Variants in ARRB1 observed in about 807,000 individuals in gnomAD.
ARRB1 encodes the protein beta-arrestin-1.
A neutral mutation model predicts 56.8 loss-of-function variants in ARRB1; 21 were observed. The ratio of observed to expected loss-of-function variants is 0.37; its 90% CI spans 0.26 to 0.53. The LOEUF (loss-of-function observed/expected upper bound fraction) is 0.53. Among genes scored for constraint, ARRB1 ranks in the 20% least tolerant of loss-of-function variants. The pLI is 0.88. For missense variants in ARRB1, 424 were observed against 553.7 expected (o/e 0.77, Z 2.35); for synonymous variants, 210 against 218.6 (o/e 0.96, Z 0.35).
intron 2 of ARRB1, among the ~76,000 whole-genome samples, chr11:75,289,446 C>A (rs1946554573): frequency 6.6e-6 from 1 of 152,206 alleles, no homozygotes; most frequent in Non-Finnish European, 1.5e-5. Context: ...CTGCCTCTGC[C>A]ATCTGGCTGT....
intron 1 of ARRB1, among the ~76,000 whole-genome samples, chr11:75,291,669 G>C (rs1420859997): frequency 6.6e-6 from 1 of 152,188 alleles, no homozygotes; most frequent in Non-Finnish European, 1.5e-5. Flanking sequence ...GGGAGGGAGA[G>C]AAGAAAATTG....
intron 6 of ARRB1, chr11:75,281,688 A>G (rs1946345666): frequency 4.2e-6 from 2 of 471,972 alleles, no homozygotes; most frequent in East Asian, 7.1e-5. Flanking sequence ...GGCCAGGTGT[A>G]GGTCCTCAGA....
intron 13 of ARRB1, chr11:75,269,247 C>T: frequency 1.6e-6 from 1 of 644,134 alleles, no homozygotes; most frequent in Middle Eastern, 3.3e-4. Flanking sequence ...GAAAGGATTG[C>T]CCGGGGCAGC....
rs946350306 is a variant in ARRB1, at chr11:75,269,317, C to A, written c.1023-358G>T. On this transcript the variant is annotated intron_variant, in intron 13 of 15. Transcript: ENST00000420843. ...CCTGGGACCCCCCCCCACCTCAAAT[C>A]GCCACAGCCACCCTCGCCTCCCCTG... The A allele has an allele frequency of 2.8e-5, 12 of 426,696 alleles. No homozygotes were observed. In the Admixed American group the frequency reaches 2.9e-4, roughly 10 times the overall value. 26.4% of individuals were successfully genotyped at this position (426,696 alleles called of 1,614,324 possible). A position where few individuals can be genotyped will look rare whatever the true frequency, so the allele number is the denominator to read the frequency against.
intron 1 of ARRB1, among the ~76,000 whole-genome samples, chr11:75,334,743 C>A (rs967151916): frequency 6.6e-6 from 1 of 152,166 alleles, no homozygotes; most frequent in Non-Finnish European, 1.5e-5. Context: ...AGAACTGGCT[C>A]CCCTGGATGC....
chr11:75,266,234 G>C lies in ARRB1; in HGVS notation c.1186C>G (p.Leu396Val). 6.2e-7 allele frequency: 1 copy of C among 1,614,216 alleles called. No homozygotes were observed. Residue 396 changes from leucine to valine, a missense_variant, in exon 16 of 16, where the codon CTG becomes GTG. Transcript: ENST00000420843. Reference protein sequence around the residue: ...IVFEDFARQRLKGMKDDKEEE... With the variant: ...IVFEDFARQRVKGMKDDKEEE... ...TCCTTGTCATCCTTCATGCCTTTCA[G>C]TCTCTGGCGAGCAAAGTCCTCAAAT...
At chr11:75,296,421 G>T (rs1946752278) in intron 1 of ARRB1, among the ~76,000 whole-genome samples, 1 of 152,092 alleles carries the variant, frequency 6.6e-6, no homozygotes, top group Non-Finnish European at 1.5e-5. Flanking sequence ...AGGAAGACAG[G>T]TAGGTCAACT....
chr11:75,346,614 T>C (rs569876302), intron 1 of ARRB1, among the ~76,000 whole-genome samples: 29 of 152,294 alleles, frequency 1.9e-4, no homozygotes, highest in African/African-American at 6.5e-4. Context: ...CACCAGCTAA[T>C]GCCTTCTGGC....
chr11:75,300,139 G>A (rs1360359262), intron 1 of ARRB1, among the ~76,000 whole-genome samples: 1 of 149,910 alleles, frequency 6.7e-6, no homozygotes, highest in Non-Finnish European at 1.5e-5. Flanking sequence ...AGGAGGCGAG[G>A]TTGCAGTGAG....
At chr11:75,322,241 G>A (rs912155271) in intron 1 of ARRB1, among the ~76,000 whole-genome samples, 7 of 152,184 alleles carry the variant, frequency 4.6e-5, no homozygotes, top group Non-Finnish European at 1.0e-4. Context: ...CTACCAGCCA[G>A]ACGCCTGTTA....
intron 1 of ARRB1, among the ~76,000 whole-genome samples, chr11:75,347,331 C>G (rs1947785884): frequency 6.6e-6 from 1 of 152,190 alleles, no homozygotes; most frequent in Non-Finnish European, 1.5e-5. Flanking sequence ...ATGGGTCACA[C>G]AGGGCTTAAC....
At chr11:75,272,646 G>C in intron 12 of ARRB1, 4 of 491,240 alleles carry the variant, frequency 8.1e-6, no homozygotes, top group Non-Finnish European at 1.5e-5. Context: ...ACCTAGGATA[G>C]AGGAGGAGGA....
At chr11:75,279,729 G>A (rs1009972130) in intron 7 of ARRB1, among the ~76,000 whole-genome samples, 15 of 152,030 alleles carry the variant, frequency 9.9e-5, no homozygotes, top group African/African-American at 3.1e-4. Context: ...GTGCAGTGGC[G>A]CAATCTCAGC....
intron 5 of ARRB1, 148 bp downstream of exon 5, chr11:75,283,139 A>G: frequency 1.2e-6 from 1 of 808,326 alleles, no homozygotes; most frequent in Non-Finnish European, 1.9e-6. Context: ...ACCAGGTAAC[A>G]CAGGTGACAG....
At chr11:75,313,620 C>T (rs1000049904) in intron 1 of ARRB1, among the ~76,000 whole-genome samples, 7 of 152,170 alleles carry the variant, frequency 4.6e-5, no homozygotes, top group Non-Finnish European at 1.0e-4. Flanking sequence ...GTGTGACACA[C>T]AGGAAGGGCC....
chr11:75,271,447 TG>T, intron 13 of ARRB1: 1 of 402,466 alleles, frequency 2.5e-6, no homozygotes. Flanking sequence ...ACAGCTCTCT[TG>T]GGGGCCACTC....
intron 14 of ARRB1, 121 bp downstream of exon 14, chr11:75,268,768 G>T: frequency 9.3e-7 from 1 of 1,076,526 alleles, no homozygotes; most frequent in Non-Finnish European, 1.4e-6. Flanking sequence ...CCCCACAAAA[G>T]ATCTGGGGAC....
At position 75,260,737 on chromosome 11, in the gene ARRB1, G is replaced by C. The variant is rs1945767468; in HGVS notation, c.*5426C>G. On this transcript the variant is annotated 3_prime_UTR_variant, in exon 16 of 16. Transcript: ENST00000420843. Reference sequence around the variant, plus strand: ...TTCACCTAGAATTCCCTGGGGGGTGGGAGTGGGGGACAGGGCAGGCAGGGT... The same window carrying C: ...TTCACCTAGAATTCCCTGGGGGGTGCGAGTGGGGGACAGGGCAGGCAGGGT... 1 of 152,486 alleles carries C rather than the reference G, an allele frequency of 6.6e-6. No individual in the cohort carries two copies. The highest frequency in any genetic ancestry group is 6.5e-5 in the Admixed American group (1 of 15,290). The allele number at this position is 152,486 out of a possible 1,614,324, so 9.4% of individuals were successfully genotyped here.
chr11:75,346,354 C>G (rs1264137901), intron 1 of ARRB1, among the ~76,000 whole-genome samples: 1 of 152,110 alleles, frequency 6.6e-6, no homozygotes, highest in Non-Finnish European at 1.5e-5. Context: ...GAAAGGAGAG[C>G]ACAGGGCAGT....
Sources: gnomAD v4.1 joint callset for allele counts (sites outside exome capture counted in the v4.1 genomes callset) on GRCh38, gnomAD v4.1.1 for gene constraint, MANE v1.5 for transcripts, NCBI Gene and HGNC (gene_info 2026-07-23, HGNC 2026-07-21) for gene names.